The following STK4 variants were observed in gnomAD, a reference collection of about 807,000 sequenced individuals.
STK4 encodes serine/threonine-protein kinase 4.
Under a neutral mutation model 64.9 loss-of-function variants are expected in STK4, and 30 were observed. The observed-to-expected ratio is 0.46, with a 90% confidence interval of 0.35 to 0.63. The LOEUF (loss-of-function observed/expected upper bound fraction) is 0.63. STK4 is among the 20% of genes least tolerant of loss of function. STK4 has a pLI of 0.01. For missense variants in STK4, 466 were observed against 598.5 expected, an observed-to-expected ratio of 0.78 and a Z score of 2.31; for synonymous variants, 177 against 199.0, an observed-to-expected ratio of 0.89 and a Z score of 0.93.
intron 10 of STK4, among the ~76,000 whole-genome samples, chr20:45,054,960 T>G (rs975233069): frequency 6.6e-6 from 1 of 152,066 alleles, no homozygotes. Flanking sequence ...ATTTCTTCTC[T>G]CCATAGGACT....
intron 2 of STK4, among the ~76,000 whole-genome samples, chr20:44,978,051 C>T (rs956816285): frequency 2.0e-5 from 3 of 152,182 alleles, no homozygotes; most frequent in African/African-American, 7.2e-5. Flanking sequence ...CTTATGTGAC[C>T]TTGGGCAAAT....
chr20:44,970,889 TTGTGTG>T (rs60332680), intron 1 of STK4, among the ~76,000 whole-genome samples: 2 of 148,052 alleles, frequency 1.4e-5, no homozygotes, highest in Non-Finnish European at 3.0e-5. Context: ...AGGTACACAT[TTGTGTG>T]TGTGTGTGTG....
At chr20:44,967,107 G>A (rs1468177619) in intron 1 of STK4, 1 of 980,876 alleles carries the variant, frequency 1.0e-6, no homozygotes, top group African/African-American at 1.8e-5. Flanking sequence ...AGCATGCGAG[G>A]AAAGGTTGAG....
chr20:45,066,509 G>A (rs967492697), intron 10 of STK4, among the ~76,000 whole-genome samples: 2 of 152,172 alleles, frequency 1.3e-5, no homozygotes, highest in Non-Finnish European at 2.9e-5. Flanking sequence ...TAAGAGATCC[G>A]TGTCAGAGGT....
chr20:44,973,131 A>G (rs1162618424), intron 2 of STK4: 1 of 152,068 alleles, frequency 6.6e-6, no homozygotes, highest in Non-Finnish European at 1.5e-5. Context: ...ACTGATGACT[A>G]TATGCTCTTT....
chr20:44,990,662 C>T (rs1372113290), intron 5 of STK4, among the ~76,000 whole-genome samples: 1 of 151,990 alleles, frequency 6.6e-6, no homozygotes, highest in East Asian at 1.9e-4. Flanking sequence ...TTTAATGTTC[C>T]TGATTCACAA....
chr20:44,975,592 A>G (rs1451950337), intron 2 of STK4: 1 of 160,702 alleles, frequency 6.2e-6, no homozygotes, highest in African/African-American at 2.4e-5. Flanking sequence ...TTGTCAGGAG[A>G]TTGCATTTGA....
At chr20:44,987,025 G>T in intron 4 of STK4, 107 bp from the exon 5 acceptor site, 1 of 903,844 alleles carries the variant, frequency 1.1e-6, no homozygotes, top group Non-Finnish European at 1.6e-6. Flanking sequence ...TTCACAGGTT[G>T]AATAAGATCT....
rs970953023 is a variant in STK4, at chr20:44,966,742, G to A, written c.35+139G>A. On this transcript the variant is annotated intron_variant, in intron 1 of 10. Coordinates refer to ENST00000372806, the MANE Select transcript of STK4 (RefSeq NM_006282.5). ...GGGGCACCTGCTGAGTGAGGGGGGG[G>A]ACGTCTGGTGGGTGAGGGTCCGGCT... 4.9e-6 allele frequency: 5 copies of A among 1,024,786 alleles called. No homozygotes were observed. In the South Asian group the frequency reaches 1.4e-4, roughly 29 times the overall value. 63.5% of individuals were successfully genotyped at this position (1,024,786 alleles called of 1,614,324 possible). A position where few individuals can be genotyped will look rare whatever the true frequency, so the allele number is the denominator to read the frequency against.
At chr20:45,051,316 A>G in intron 10 of STK4, among the ~76,000 whole-genome samples, 1 of 152,212 alleles carries the variant, frequency 6.6e-6, no homozygotes, top group East Asian at 1.9e-4. Context: ...TGTATTTTAT[A>G]TAATTTGGCA....
intron 7 of STK4, 98 bp from the exon 8 acceptor site, chr20:45,000,294 T>TTC: frequency 7.1e-7 from 1 of 1,417,374 alleles, no homozygotes; most frequent in Non-Finnish European, 9.4e-7. Flanking sequence ...CGTTGATTGA[T>TTC]TCAACACATG....
intron 9 of STK4, among the ~76,000 whole-genome samples, chr20:45,017,088 G>A (rs954455794): frequency 2.0e-5 from 3 of 152,170 alleles, no homozygotes; most frequent in African/African-American, 7.2e-5. Context: ...TGTTTATAAT[G>A]AATATTTAAT....
chr20:45,053,114 A>T, intron 10 of STK4: 1 of 1,612,768 alleles, frequency 6.2e-7, no homozygotes, highest in Non-Finnish European at 8.5e-7. Flanking sequence ...CAGTCTGGAA[A>T]AGACATATGT....
chr20:45,064,043 C>T (rs35017113), intron 10 of STK4, among the ~76,000 whole-genome samples: 18,902 of 151,528 alleles, frequency 0.12, 1,542 homozygotes, highest in East Asian at 0.22. Flanking sequence ...CTCTTGACCT[C>T]GTGATCTGCC....
chr20:45,009,803 G>A (rs2068013266), intron 9 of STK4, among the ~76,000 whole-genome samples: 1 of 152,084 alleles, frequency 6.6e-6, no homozygotes, highest in Admixed American at 6.6e-5. Context: ...TTGTAAGTAG[G>A]ATTGTGTTCT....
chr20:44,982,728 T>C, intron 4 of STK4, among the ~76,000 whole-genome samples: 1 of 152,166 alleles, frequency 6.6e-6, no homozygotes, highest in Admixed American at 6.5e-5. Context: ...TTAATGTCTT[T>C]ATGTATTCGT....
At chr20:45,000,634 C>T in intron 8 of STK4, 114 bp downstream of exon 8, 1 of 1,464,176 alleles carries the variant, frequency 6.8e-7, no homozygotes, top group Non-Finnish European at 9.3e-7. Flanking sequence ...GGAGATGCTT[C>T]CAGCATAACT....
At chr20:45,007,815 A>T (rs1321897303) in intron 9 of STK4, 1 of 421,562 alleles carries the variant, frequency 2.4e-6, no homozygotes, top group East Asian at 7.2e-5. Flanking sequence ...TGCAGGTTTG[A>T]TGCATAAATA....
At chr20:45,031,676 C>T (rs979003860) in intron 10 of STK4, among the ~76,000 whole-genome samples, 49 of 151,908 alleles carry the variant, frequency 3.2e-4, no homozygotes, top group Non-Finnish European at 5.9e-4. Flanking sequence ...CCGAGGCAGG[C>T]GGACCACGTG....
Sources: gnomAD v4.1 joint callset for allele counts (sites outside exome capture counted in the v4.1 genomes callset) on GRCh38, gnomAD v4.1.1 for gene constraint, MANE v1.5 for transcripts, NCBI Gene and HGNC (gene_info 2026-07-23, HGNC 2026-07-21) for gene names.